The following TDRD5 variants were observed in gnomAD, a reference collection of about 807,000 sequenced individuals.
TDRD5 encodes tudor domain-containing protein 5.
In TDRD5, 41 loss-of-function variants were observed where a neutral mutation model predicts 120.6. That is an observed-to-expected ratio of 0.34 (90% CI 0.26 to 0.44). The LOEUF (loss-of-function observed/expected upper bound fraction) is 0.44, where lower values mean the gene tolerates loss of function less well. Among genes scored for constraint, TDRD5 ranks in the 20% least tolerant of loss-of-function variants. The pLI, the probability that TDRD5 is intolerant of heterozygous loss-of-function variation, is 1.00. For synonymous variants in TDRD5, 430 were observed against 433.7 expected, an observed-to-expected ratio of 0.99 and a Z score of 0.11; for missense variants, 1,006 against 1,221.2, an observed-to-expected ratio of 0.82 and a Z score of 2.63.
intron 4 of TDRD5, among the ~76,000 whole-genome samples, chr1:179,599,548 T>TA (rs370806732): frequency 4.0e-5 from 6 of 151,546 alleles, no homozygotes; most frequent in South Asian, 4.2e-4. Flanking sequence ...TTTTTTTTTT[T>TA]AAATGAGCCT....
chr1:179,593,940 C>T (rs1181376221), intron 3 of TDRD5, 73 bp downstream of exon 3: 17 of 1,521,170 alleles, frequency 1.1e-5, no homozygotes, highest in East Asian at 6.8e-5. Context: ...TCTATGAGTT[C>T]GTTAGAGTTG....
Position 179,651,073 on chromosome 1 carries a change from G to A in TDRD5, c.2001+6G>A, listed in dbSNP as rs771788409. The A allele has an allele frequency of 1.9e-6, 3 of 1,613,812 alleles. No individual in the cohort carries two copies. The South Asian group carries it at 3.3e-5, about 18-fold the overall frequency. On this transcript the variant is annotated splice_donor_region_variant and intron_variant, in intron 12 of 17. Coordinates refer to ENST00000444136, the MANE Select transcript of TDRD5 (RefSeq NM_001199085.3). ...GAGAAAATATCTCTTCTAAGGTGGA[G>A]CAGTCTGGATGTATTTTGTAATATA...
At chr1:179,624,475 G>A (rs1475056244) in intron 6 of TDRD5, among the ~76,000 whole-genome samples, 1 of 152,002 alleles carries the variant, frequency 6.6e-6, no homozygotes, top group Non-Finnish European at 1.5e-5. Flanking sequence ...AAGAAAAAAC[G>A]TAAAACTTTA....
intron 17 of TDRD5, among the ~76,000 whole-genome samples, chr1:179,681,737 A>C (rs1345281271): frequency 6.6e-6 from 1 of 150,888 alleles, no homozygotes; most frequent in Non-Finnish European, 1.5e-5. Flanking sequence ...AAAAAAAATT[A>C]ATTTTTTTTC....
chr1:179,607,379 T>A (rs1436769065), intron 4 of TDRD5, among the ~76,000 whole-genome samples: 1 of 152,078 alleles, frequency 6.6e-6, no homozygotes, highest in African/African-American at 2.4e-5. Context: ...TAAAGGACAG[T>A]TTTATTTCTT....
rs934298853 is a variant in TDRD5 at position 179,593,597 on chromosome 1, C to G, written c.370C>G (p.Arg124Gly). 1.2e-6 allele frequency: 2 copies of G among 1,614,066 alleles called. No individual in the cohort carries two copies. The highest frequency in any genetic ancestry group is 1.3e-5 in the African/African-American group (1 of 74,930). The change falls in exon 3 of 18, where the codon CGA becomes GGA. Residue 124 changes from arginine (R) to glycine (G), a missense_variant. Coordinates refer to ENST00000444136, the MANE Select transcript of TDRD5 (RefSeq NM_001199085.3). ...GPRSHRRVPY[R>G]GRVAPILPAV... ...GAGATCTCATCGGCGAGTACCTTACCGAGGAAGGGTTGCCCCTATTCTTCC... is the reference window on the plus strand; with the variant it reads ...GAGATCTCATCGGCGAGTACCTTACGGAGGAAGGGTTGCCCCTATTCTTCC...
At chr1:179,634,179 A>C (rs1558394279) in intron 7 of TDRD5, among the ~76,000 whole-genome samples, 1 of 151,596 alleles carries the variant, frequency 6.6e-6, no homozygotes, top group Non-Finnish European at 1.5e-5. Context: ...TCAAAAAACA[A>C]AAAAACAAAA....
At chr1:179,676,854 C>T (rs1390579953) in intron 17 of TDRD5, among the ~76,000 whole-genome samples, 1 of 152,126 alleles carries the variant, frequency 6.6e-6, no homozygotes, top group Admixed American at 6.5e-5. Context: ...AATGAATTTC[C>T]CAGGTGTTCT....
rs140242225 is a variant in TDRD5 at position 179,640,077 on chromosome 1, G to A, written c.1733+26G>A. ...GTGAGTTGAATTGAATTAGAACAAT[G>A]GATGAATTAAATTTTGAATCACAGT... On this transcript the variant is annotated intron_variant, in intron 10 of 17. Transcript: ENST00000444136. 2.1e-4 allele frequency: 342 copies of A among 1,608,632 alleles called. 1 individual carries two copies. The African/African-American group carries it at 3.9e-3, about 18-fold the overall frequency.
chr1:179,626,954 A>G (rs1489064232), intron 6 of TDRD5, among the ~76,000 whole-genome samples: 1 of 152,156 alleles, frequency 6.6e-6, no homozygotes, highest in African/African-American at 2.4e-5. Flanking sequence ...ATATCTGACA[A>G]TATCAACTCA....
chr1:179,653,501 AAC>A (rs1678830389), intron 13 of TDRD5, among the ~76,000 whole-genome samples: 1 of 152,184 alleles, frequency 6.6e-6, no homozygotes, highest in South Asian at 2.1e-4. Flanking sequence ...GTATGCCCAT[AAC>A]ACTTTCCAAA....
intron 4 of TDRD5, among the ~76,000 whole-genome samples, chr1:179,615,776 CT>C (rs11318606): frequency 0.097 from 14,301 of 146,930 alleles, 714 homozygotes; most frequent in Middle Eastern, 0.13. Flanking sequence ...TTGAGGTAAA[CT>C]TTTTTTTTTT....
At chr1:179,674,733 G>A (rs975969181) in intron 17 of TDRD5, among the ~76,000 whole-genome samples, 1 of 152,084 alleles carries the variant, frequency 6.6e-6, no homozygotes, top group Admixed American at 6.5e-5. Flanking sequence ...TTATTGGTCT[G>A]ATCAGAGATT....
At chr1:179,647,662 C>G (rs1273706597) in intron 11 of TDRD5, among the ~76,000 whole-genome samples, 1 of 151,974 alleles carries the variant, frequency 6.6e-6, no homozygotes, top group East Asian at 1.9e-4. Flanking sequence ...AACAGGCAAC[C>G]TACAAAATGG....
At chr1:179,677,935 G>A (rs1680222038) in intron 17 of TDRD5, among the ~76,000 whole-genome samples, 2 of 152,294 alleles carry the variant, frequency 1.3e-5, no homozygotes, top group Non-Finnish European at 2.9e-5. Flanking sequence ...AGGTTTCTCA[G>A]GCAGTGAGCA....
chr1:179,668,977 C>T (rs185732885), intron 16 of TDRD5, among the ~76,000 whole-genome samples: 1 of 152,076 alleles, frequency 6.6e-6, no homozygotes, highest in Non-Finnish European at 1.5e-5. Flanking sequence ...ATCTCCTGAC[C>T]TCGTGATCCG....
chr1:179,691,212 T>A lies in TDRD5; in HGVS notation c.*269T>A, dbSNP rs1681137416. The A allele has an allele frequency of 3.4e-6, 1 of 294,270 alleles. No individual in the cohort carries two copies. Among genetic ancestry groups the A allele is most frequent in the Admixed American group, 4.9e-5 (1 of 20,466 alleles). 18.2% of individuals were successfully genotyped at this position (294,270 alleles called of 1,614,324 possible). A position where few individuals can be genotyped will look rare whatever the true frequency, so the allele number is the denominator to read the frequency against. Reference sequence around the variant, plus strand: ...TTTAATGTAGTTTAAAGGAATTTGTTTTTTTGTGTTTGTTTTTCTTGTACA... The same window carrying A: ...TTTAATGTAGTTTAAAGGAATTTGTATTTTTGTGTTTGTTTTTCTTGTACA... On this transcript the variant is annotated 3_prime_UTR_variant, in exon 18 of 18. Transcript: ENST00000444136.
chr1:179,630,090 C>T (rs545083129), intron 6 of TDRD5, among the ~76,000 whole-genome samples: 16 of 151,982 alleles, frequency 1.1e-4, no homozygotes, highest in African/African-American at 3.1e-4. Context: ...TGCCATTCTC[C>T]GGGTTCATGC....
intron 6 of TDRD5, among the ~76,000 whole-genome samples, chr1:179,628,685 G>C (rs1353254340): frequency 6.6e-6 from 1 of 152,016 alleles, no homozygotes; most frequent in Non-Finnish European, 1.5e-5. Flanking sequence ...AAATATATCT[G>C]ACATATTAGT....
Sources: allele counts gnomAD v4.1 joint callset (sites outside exome capture counted in the v4.1 genomes callset), GRCh38; gene constraint gnomAD v4.1.1; transcripts MANE v1.5; gene names NCBI Gene and HGNC (gene_info 2026-07-23, HGNC 2026-07-21).